ORC2: variants seen among roughly 807,000 people sequenced by gnomAD.
The protein encoded by ORC2 is origin recognition complex protein 2 homolog.
A neutral mutation model predicts 77.7 loss-of-function variants in ORC2; 37 were observed. The ratio of observed to expected loss-of-function variants is 0.48; its 90% CI spans 0.37 to 0.63. ORC2 has a LOEUF of 0.63. Among genes scored for constraint, ORC2 ranks in the 20% least tolerant of loss-of-function variants. The probability of loss-of-function intolerance (pLI) is 0.00; values close to 1 mark genes in which losing one functional copy is unlikely to be tolerated. For missense variants in ORC2, 557 were observed against 661.9 expected, an observed-to-expected ratio of 0.84 and a Z score of 1.74; for synonymous variants, 201 against 229.5, an observed-to-expected ratio of 0.88 and a Z score of 1.12.
intron 4 of ORC2, among the ~76,000 whole-genome samples, chr2:200,951,862 CAA>C (rs2125024347): frequency 6.6e-6 from 1 of 152,276 alleles, no homozygotes; most frequent in East Asian, 1.9e-4. Context: ...TCTTGAGAAA[CAA>C]TGAATTTTAA....
intron 4 of ORC2, among the ~76,000 whole-genome samples, chr2:200,950,978 G>A (rs561486172): frequency 1.3e-5 from 2 of 152,136 alleles, no homozygotes; most frequent in East Asian, 1.9e-4. Flanking sequence ...TCTTCTTTAC[G>A]CTGTGGCTTG....
At chr2:200,938,657 T>C (rs1415271427) in intron 7 of ORC2, among the ~76,000 whole-genome samples, 3 of 152,238 alleles carry the variant, frequency 2.0e-5, no homozygotes, top group Non-Finnish European at 4.4e-5. Flanking sequence ...CCTGTGATTT[T>C]GTCAACATGA....
In ORC2 at chr2:200,931,737, T is replaced by C. The variant is rs144967004; in HGVS notation, c.808-289A>G. ...TAAACTCCAAGAATAGGCTTTACTT[T>C]CTCAGAAAACATTAAAGGTTCTTTA... On this transcript the variant is annotated intron_variant, in intron 10 of 17. Transcript: ENST00000234296. Among the ~76,000 whole-genome samples, 1,165 of 152,312 alleles carry C rather than the reference T, an allele frequency of 7.6e-3. 19 individuals are homozygous for C. Among genetic ancestry groups the C allele is most frequent in the African/African-American group, 0.027 (1,125 of 41,566 alleles).
At chr2:200,942,381 A>ATAT (rs2041170392) in intron 6 of ORC2, among the ~76,000 whole-genome samples, 1 of 152,192 alleles carries the variant, frequency 6.6e-6, no homozygotes, top group Non-Finnish European at 1.5e-5. Context: ...AGTATTTCCC[A>ATAT]AAGCCAAATC....
intron 4 of ORC2, among the ~76,000 whole-genome samples, chr2:200,950,307 G>A (rs1343501670): frequency 2.0e-5 from 3 of 152,048 alleles, no homozygotes; most frequent in Non-Finnish European, 1.5e-5. Context: ...CTCCAGCCTC[G>A]GTGATAAAGT....
Position 200,913,807 on chromosome 2 carries a change from C to G in ORC2, c.1528+124G>C, listed in dbSNP as rs886160779. ...AAAATTTGCTATGTGGCAGACATAC[C>G]CATCATGAGTGACCACTTACTCACT... On this transcript the variant is annotated intron_variant, in intron 16 of 17. Transcript: ENST00000234296. 2.7e-5 allele frequency: 39 copies of G among 1,420,406 alleles called. No homozygotes were observed. In the African/African-American group the frequency reaches 5.4e-4, roughly 20 times the overall value. The allele number at this position is 1,420,406 out of a possible 1,614,324, so 88.0% of individuals were successfully genotyped here.
At position 200,953,835 on chromosome 2, in the gene ORC2, G is replaced by T. The variant is rs141407514; in HGVS notation, c.238+3566C>A. ...ATGCTAAGCTTTTTTGTGTGTGTAT[G>T]AGATAAATTCTTGCTCTGTCACCCA... On this transcript the variant is annotated intron_variant, in intron 4 of 17. Coordinates refer to ENST00000234296, the MANE Select transcript of ORC2 (RefSeq NM_006190.5). Among the ~76,000 whole-genome samples the T allele has an allele frequency of 5.3e-3, 809 of 152,204 alleles. 7 individuals carry two copies. Among genetic ancestry groups the T allele is most frequent in the South Asian group, 0.031 (150 of 4,828 alleles).
In ORC2 at chr2:200,924,104, T is replaced by C. The variant is rs933852009; in HGVS notation, c.1147+1732A>G. Among the ~76,000 whole-genome samples the C allele has an allele frequency of 2.0e-5, 3 of 152,144 alleles. 1 individual carries two copies. Among genetic ancestry groups the C allele is most frequent in the African/African-American group, 7.2e-5 (3 of 41,424 alleles). On this transcript the variant is annotated intron_variant, in intron 13 of 17. Transcript: ENST00000234296. ...GCTCATGCCTGTAATCCCAGCACTT[T>C]GGAAGGCCCAGGCAGGAGTATCCCT...
intron 5 of ORC2, among the ~76,000 whole-genome samples, chr2:200,944,566 C>T (rs1293007914): frequency 6.6e-6 from 1 of 151,840 alleles, no homozygotes; most frequent in Non-Finnish European, 1.5e-5. Flanking sequence ...GGCACAATGC[C>T]TAGTACAAGT....
intron 17 of ORC2, among the ~76,000 whole-genome samples, chr2:200,913,077 C>A (rs2040579183): frequency 6.6e-6 from 1 of 152,204 alleles, no homozygotes; most frequent in Non-Finnish European, 1.5e-5. Flanking sequence ...GCCTATTACT[C>A]TGGACTAGAA....
rs2040940382 is a variant in ORC2 at position 200,931,506 on chromosome 2, A to G, written c.808-58T>C. The stretch of plus-strand genomic sequence containing the variant: ...TTCTCAAAGCACAGACAGCAAATCA[A>G]TCCAAACAATTTCCTTAGAAGTAGA... On this transcript the variant is annotated intron_variant, in intron 10 of 17. Coordinates refer to ENST00000234296, the MANE Select transcript of ORC2 (RefSeq NM_006190.5). 4.6e-6 allele frequency: 4 copies of G among 862,098 alleles called. No individual in the cohort carries two copies. The South Asian group carries it at 4.8e-5, about 10-fold the overall frequency. 53.4% of individuals were successfully genotyped at this position (862,098 alleles called of 1,614,324 possible).
chr2:200,957,549 A>G lies in ORC2; in HGVS notation c.95-5T>C. 6.3e-7 allele frequency: 1 copy of G among 1,581,358 alleles called. No homozygotes were observed. The highest frequency in any genetic ancestry group is 1.2e-5 in the South Asian group (1 of 84,700). ...GCTCCTTCTTCAATTTAGCTCCTAT[A>G]AGAACATCCAAAGAAATAGAGCATG... On this transcript the variant is annotated splice_polypyrimidine_tract_variant and splice_region_variant and intron_variant, in intron 3 of 17. Coordinates refer to ENST00000234296, the MANE Select transcript of ORC2 (RefSeq NM_006190.5).
At chr2:200,912,064 A>AT (rs2040559772) in intron 17 of ORC2, among the ~76,000 whole-genome samples, 1 of 152,114 alleles carries the variant, frequency 6.6e-6, no homozygotes, top group Admixed American at 6.5e-5. Flanking sequence ...GTGACATCAC[A>AT]TCCTGGTTTT....
rs2041025889 is a variant in ORC2 at position 200,935,580 on chromosome 2, G to T, written c.708+119C>A. 7 of 746,866 alleles carry T rather than the reference G, an allele frequency of 9.4e-6. No homozygotes were observed. In the South Asian group the frequency reaches 1.3e-4, roughly 14 times the overall value. The allele number at this position is 746,866 out of a possible 1,614,324, so 46.3% of individuals were successfully genotyped here. A position where few individuals can be genotyped will look rare whatever the true frequency, so the allele number is the denominator to read the frequency against. On this transcript the variant is annotated intron_variant, in intron 9 of 17. Coordinates refer to ENST00000234296, the MANE Select transcript of ORC2 (RefSeq NM_006190.5). ...TGTGGGAATTTATGTGGAAGGCTGA[G>T]AAAATATAGAAAAGTGAAGAAAAAA... is the stretch of plus-strand genomic sequence containing the variant.
chr2:200,934,114 G>A, intron 9 of ORC2, 140 bp from the exon 10 acceptor site: 1 of 489,096 alleles, frequency 2.0e-6, no homozygotes, highest in East Asian at 3.1e-5. Context: ...AACAGTACCA[G>A]TTAAGGACCA....
chr2:200,916,192 C>A (rs999695213), intron 15 of ORC2, among the ~76,000 whole-genome samples: 1 of 152,078 alleles, frequency 6.6e-6, no homozygotes, highest in Non-Finnish European at 1.5e-5. Flanking sequence ...CTAAAAAATA[C>A]TTGCATTAGA....
At chr2:200,917,664 A>G (rs1559004978) in intron 15 of ORC2, among the ~76,000 whole-genome samples, 1 of 152,150 alleles carries the variant, frequency 6.6e-6, no homozygotes, top group Non-Finnish European at 1.5e-5. Context: ...TGAAATCCAA[A>G]TATGGATGGG....
At chr2:200,959,950 G>A (rs1371143206) in intron 1 of ORC2, among the ~76,000 whole-genome samples, 1 of 150,988 alleles carries the variant, frequency 6.6e-6, no homozygotes, top group African/African-American at 2.4e-5. Context: ...TAGTCTACTC[G>A]GATTGGGCAA....
intron 13 of ORC2, among the ~76,000 whole-genome samples, chr2:200,922,421 A>G (rs903290454): frequency 2.9e-5 from 4 of 137,014 alleles, no homozygotes; most frequent in Non-Finnish European, 6.1e-5. Flanking sequence ...GTCTTCCAAA[A>G]TACTGAAACC....
Sources: allele counts gnomAD v4.1 joint callset (sites outside exome capture counted in the v4.1 genomes callset), GRCh38; gene constraint gnomAD v4.1.1; transcripts MANE v1.5; gene names NCBI Gene and HGNC (gene_info 2026-07-23, HGNC 2026-07-21).